UVRAG: variants seen among roughly 807,000 people sequenced by gnomAD.
The protein encoded by UVRAG is UV radiation resistance associated.
Under a neutral mutation model 78.0 loss-of-function variants are expected in UVRAG, and 19 were observed. The ratio of observed to expected loss-of-function variants is 0.24; its 90% CI spans 0.17 to 0.36. The LOEUF is 0.36. Among genes scored for constraint, UVRAG ranks in the 10% least tolerant of loss-of-function variants. UVRAG has a pLI of 1.00. For missense variants in UVRAG, 740 were observed against 853.8 expected (o/e 0.87, Z 1.66); for synonymous variants, 323 against 324.6 (o/e 1.00, Z 0.05).
intron 1 of UVRAG, among the ~76,000 whole-genome samples, chr11:75,849,904 T>A (rs1296121088): frequency 2.0e-5 from 3 of 152,198 alleles, no homozygotes; most frequent in Non-Finnish European, 4.4e-5. Context: ...AAGCAGAGAT[T>A]TATTGAGAAT....
intron 5 of UVRAG, among the ~76,000 whole-genome samples, chr11:75,898,774 T>G (rs1159960867): frequency 6.6e-6 from 1 of 152,218 alleles, no homozygotes; most frequent in Non-Finnish European, 1.5e-5. Context: ...AGTAGTATTT[T>G]CATTTTCAGG....
intron 2 of UVRAG, among the ~76,000 whole-genome samples, chr11:75,855,911 T>G (rs1173815294): frequency 6.6e-6 from 1 of 152,224 alleles, no homozygotes; most frequent in African/African-American, 2.4e-5. Context: ...AGTTATTATA[T>G]CCCCAGAGAA....
At chr11:75,904,793 G>A (rs983268671) in intron 5 of UVRAG, among the ~76,000 whole-genome samples, 1 of 150,472 alleles carries the variant, frequency 6.6e-6, no homozygotes, top group East Asian at 1.9e-4. Context: ...AACAGCTAAC[G>A]TTGACATGTA....
At chr11:76,062,240 G>T (rs1399949434) in intron 12 of UVRAG, among the ~76,000 whole-genome samples, 1 of 152,092 alleles carries the variant, frequency 6.6e-6, no homozygotes, top group Non-Finnish European at 1.5e-5. Flanking sequence ...CTCAACTCAA[G>T]ATCCTTAACT....
chr11:75,875,423 T>C (rs1277092640), intron 3 of UVRAG, among the ~76,000 whole-genome samples: 3 of 152,208 alleles, frequency 2.0e-5, no homozygotes, highest in Non-Finnish European at 2.9e-5. Context: ...TGATATGGTT[T>C]TATTTATCTT....
intron 7 of UVRAG, among the ~76,000 whole-genome samples, chr11:75,962,241 A>G (rs1948923772): frequency 6.6e-6 from 1 of 152,108 alleles, no homozygotes; most frequent in South Asian, 2.1e-4. Context: ...ATTAAGTTCT[A>G]GATAAAATTA....
intron 1 of UVRAG, among the ~76,000 whole-genome samples, chr11:75,831,906 T>C (rs143499675): frequency 1.4e-4 from 21 of 152,368 alleles, no homozygotes; most frequent in Middle Eastern, 3.4e-3. Flanking sequence ...CAAAATCGTC[T>C]GACACAAAGC....
rs111984308 is a variant in UVRAG, at chr11:76,079,251, A to G, written c.1305+13463A>G. On this transcript the variant is annotated intron_variant, in intron 13 of 14. Transcript: ENST00000356136. ...GTAATTCCAACATTTTGGGAGGCCAAGGCAGGAGGATCACTTGAGCTCAGG... is the reference window on the plus strand; with the variant it reads ...GTAATTCCAACATTTTGGGAGGCCAGGGCAGGAGGATCACTTGAGCTCAGG... Among the ~76,000 whole-genome samples the G allele has an allele frequency of 7.1e-3, 1,080 of 152,310 alleles. 17 individuals carry two copies. The highest frequency in any genetic ancestry group is 0.025 in the African/African-American group (1,031 of 41,584).
chr11:75,920,572 T>A lies in UVRAG; in HGVS notation c.593+8533T>A, dbSNP rs114034442. 4.0e-3 allele frequency among the ~76,000 whole-genome samples: 614 copies of A among 152,204 alleles called. 3 individuals are homozygous for A. The highest frequency in any genetic ancestry group is 0.014 in the African/African-American group (566 of 41,514). The stretch of plus-strand genomic sequence containing the variant: ...CTTTCCTTGTACTTTTTGGCTCATC[T>A]TCTTCTTTAAGCCCTTTTCCCCCAT... On this transcript the variant is annotated intron_variant, in intron 6 of 14. Transcript: ENST00000356136.
intron 11 of UVRAG, among the ~76,000 whole-genome samples, chr11:76,013,528 G>T (rs368830315): frequency 6.6e-6 from 1 of 152,188 alleles, no homozygotes; most frequent in South Asian, 2.1e-4. Context: ...TGTTAGGGAC[G>T]TCATTAATGC....
chr11:75,853,220 A>AGT (rs1946198048), intron 2 of UVRAG, among the ~76,000 whole-genome samples: 1 of 151,534 alleles, frequency 6.6e-6, no homozygotes, highest in Non-Finnish European at 1.5e-5. Context: ...ACCTCTTTTT[A>AGT]GTTTTAATGA....
chr11:75,919,208 T>C (rs1417586818), intron 6 of UVRAG, among the ~76,000 whole-genome samples: 1 of 152,086 alleles, frequency 6.6e-6, no homozygotes, highest in East Asian at 1.9e-4. Flanking sequence ...TAACCAACTT[T>C]TAGGCTGCAG....
chr11:75,937,348 A>G (rs1948393015), intron 6 of UVRAG, among the ~76,000 whole-genome samples: 1 of 151,994 alleles, frequency 6.6e-6, no homozygotes, highest in African/African-American at 2.4e-5. Context: ...TATATTTACC[A>G]TTTCTGGTGC....
In UVRAG at chr11:76,002,797, C is replaced by T. The variant is rs552466637; in HGVS notation, c.827-1208C>T. Among the ~76,000 whole-genome samples, 13 of 152,186 alleles carry T rather than the reference C, an allele frequency of 8.5e-5. No homozygotes were observed. In the East Asian group the frequency reaches 1.7e-3, roughly 20 times the overall value. On this transcript the variant is annotated intron_variant, in intron 8 of 14. Coordinates refer to ENST00000356136, the MANE Select transcript of UVRAG (RefSeq NM_003369.4). Reference sequence around the variant, plus strand: ...GGGTGCTTAAATATGTTGGGAAGGCCGGGCACTGTAGCTCACACCTGTAGT... The same window carrying T: ...GGGTGCTTAAATATGTTGGGAAGGCTGGGCACTGTAGCTCACACCTGTAGT...
chr11:76,000,122 A>C (rs1018732617), intron 8 of UVRAG, among the ~76,000 whole-genome samples: 1 of 152,228 alleles, frequency 6.6e-6, no homozygotes, highest in Non-Finnish European at 1.5e-5. Context: ...GAAAGGAACA[A>C]AGAAGAAATG....
chr11:75,822,432 G>C (rs1945413919), intron 1 of UVRAG, among the ~76,000 whole-genome samples: 1 of 152,166 alleles, frequency 6.6e-6, no homozygotes, highest in East Asian at 1.9e-4. Flanking sequence ...GGTGTCCTAT[G>C]ATTCAATTCA....
At chr11:75,876,374 C>G (rs1946780197) in intron 3 of UVRAG, among the ~76,000 whole-genome samples, 1 of 152,170 alleles carries the variant, frequency 6.6e-6, no homozygotes, top group African/African-American at 2.4e-5. Context: ...AGTGTTGTTT[C>G]CCTTTAGCCT....
chr11:76,049,315 A>C (rs1226138632), intron 12 of UVRAG, among the ~76,000 whole-genome samples: 3 of 152,210 alleles, frequency 2.0e-5, no homozygotes, highest in Non-Finnish European at 2.9e-5. Flanking sequence ...AATGTATATA[A>C]TATTGTTAAT....
intron 5 of UVRAG, among the ~76,000 whole-genome samples, chr11:75,894,630 C>T (rs1947299548): frequency 6.6e-6 from 1 of 151,748 alleles, no homozygotes; most frequent in Admixed American, 6.6e-5. Context: ...TCTCAAACCC[C>T]TGATCCCAAG....
Sources: allele counts gnomAD v4.1 joint callset (sites outside exome capture counted in the v4.1 genomes callset), GRCh38; gene constraint gnomAD v4.1.1; transcripts MANE v1.5; gene names NCBI Gene and HGNC (gene_info 2026-07-23, HGNC 2026-07-21).